The following CDH12 variants were observed in gnomAD, a reference collection of about 807,000 sequenced individuals.
CDH12 encodes cadherin 12.
A neutral mutation model predicts 74.1 loss-of-function variants in CDH12; 41 were observed. That is an observed-to-expected ratio of 0.55 (90% CI 0.43 to 0.72). The LOEUF is 0.72. CDH12 is among the 30% of genes least tolerant of loss of function. CDH12 has a pLI of 0.00. For missense variants in CDH12, 945 were observed against 977.2 expected (o/e 0.97, Z 0.44); for synonymous variants, 399 against 355.0 (o/e 1.12, Z -1.39).
At chr5:21,834,349 CA>C (rs1749412551) in intron 8 of CDH12, among the ~76,000 whole-genome samples, 1 of 151,474 alleles carries the variant, frequency 6.6e-6, no homozygotes, top group African/African-American at 2.4e-5. Flanking sequence ...AAGTATTGAC[CA>C]AAAGGGTAAT....
intron 3 of CDH12, among the ~76,000 whole-genome samples, chr5:22,226,158 T>C (rs1015793111): frequency 1.3e-5 from 2 of 151,822 alleles, no homozygotes; most frequent in East Asian, 3.9e-4. Flanking sequence ...TGTAAAGATA[T>C]ACTCTGCAAG....
chr5:22,783,081 A>G (rs1263042333), intron 1 of CDH12, among the ~76,000 whole-genome samples: 6 of 152,182 alleles, frequency 3.9e-5, no homozygotes, highest in Non-Finnish European at 7.4e-5. Flanking sequence ...TCATAATACA[A>G]TGCAAAGAAT....
intron 4 of CDH12, among the ~76,000 whole-genome samples, chr5:22,118,128 A>G (rs747663311): frequency 6.6e-6 from 1 of 152,162 alleles, no homozygotes; most frequent in Non-Finnish European, 1.5e-5. Flanking sequence ...TTTGTTTATT[A>G]TATCTGCTTA....
chr5:22,326,978 A>C (rs528961298), intron 3 of CDH12, among the ~76,000 whole-genome samples: 1 of 152,054 alleles, frequency 6.6e-6, no homozygotes, highest in Non-Finnish European at 1.5e-5. Context: ...AATCTTTTTC[A>C]TTTTCTAATT....
In CDH12 at chr5:22,676,591, G is replaced by A. The variant is rs151012070; in HGVS notation, c.-522-171227C>T. Among the ~76,000 whole-genome samples the A allele has an allele frequency of 3.2e-3, 481 of 152,194 alleles. 4 individuals carry two copies. The highest frequency in any genetic ancestry group is 0.011 in the African/African-American group (461 of 41,528). ...TTTTAACATCAACATTTCAACAAAGGCATGTAATTCTAATGTATTGTCAAG... is the reference window on the plus strand; with the variant it reads ...TTTTAACATCAACATTTCAACAAAGACATGTAATTCTAATGTATTGTCAAG... On this transcript the variant is annotated intron_variant, in intron 1 of 14. Transcript: ENST00000382254.
intron 1 of CDH12, among the ~76,000 whole-genome samples, chr5:22,815,233 G>T (rs2126459301): frequency 6.6e-6 from 1 of 152,212 alleles, no homozygotes; most frequent in East Asian, 1.9e-4. Flanking sequence ...TAATGCATAT[G>T]GTTGAATTTG....
At chr5:22,701,096 T>C (rs1453650766) in intron 1 of CDH12, among the ~76,000 whole-genome samples, 1 of 152,156 alleles carries the variant, frequency 6.6e-6, no homozygotes, top group Non-Finnish European at 1.5e-5. Flanking sequence ...AAGGCTTGGA[T>C]TCTATCCGTA....
At chr5:21,950,772 A>ATTG (rs1755821121) in intron 6 of CDH12, among the ~76,000 whole-genome samples, 1 of 102,510 alleles carries the variant, frequency 9.8e-6, no homozygotes, top group Non-Finnish European at 2.0e-5. Flanking sequence ...TATTATTATT[A>ATTG]TTATTATTAT....
intron 4 of CDH12, among the ~76,000 whole-genome samples, chr5:22,211,008 T>C (rs964036015): frequency 6.6e-6 from 1 of 152,194 alleles, no homozygotes; most frequent in Non-Finnish European, 1.5e-5. Context: ...AACATACTGG[T>C]AGCCAAGTAC....
At position 22,185,178 on chromosome 5, in the gene CDH12, G is replaced by A. The variant is rs191735406; in HGVS notation, c.-187+27320C>T. On this transcript the variant is annotated intron_variant, in intron 4 of 14. Coordinates refer to ENST00000382254, the MANE Select transcript of CDH12 (RefSeq NM_004061.5). Reference sequence around the variant, plus strand: ...TTGTTCATCTGCAGAAAGAAACAGAGTCCTCCTTCTCTCTCTCTCTCTTTT... The same window carrying A: ...TTGTTCATCTGCAGAAAGAAACAGAATCCTCCTTCTCTCTCTCTCTCTTTT... Among the ~76,000 whole-genome samples the A allele has an allele frequency of 1.4e-3, 207 of 150,122 alleles. 1 individual carries two copies. The highest frequency in any genetic ancestry group is 4.8e-3 in the Admixed American group (72 of 14,998).
intron 1 of CDH12, among the ~76,000 whole-genome samples, chr5:22,625,668 GC>G (rs1339608688): frequency 1.3e-5 from 2 of 152,160 alleles, no homozygotes; most frequent in African/African-American, 2.4e-5. Context: ...TATCTGAGTG[GC>G]CCCCTGTCTG....
intron 1 of CDH12, among the ~76,000 whole-genome samples, chr5:22,535,007 C>T (rs181824259): frequency 6.2e-4 from 91 of 145,692 alleles, no homozygotes; most frequent in African/African-American, 2.2e-3. Flanking sequence ...GAGTCTCACT[C>T]TGTCACCCAG....
At chr5:21,910,444 C>G (rs964591567) in intron 6 of CDH12, among the ~76,000 whole-genome samples, 1 of 152,040 alleles carries the variant, frequency 6.6e-6, no homozygotes, top group Non-Finnish European at 1.5e-5. Flanking sequence ...TTTCTCCCAG[C>G]CACTGTAAAA....
chr5:22,007,663 A>T (rs1000384720), intron 5 of CDH12, among the ~76,000 whole-genome samples: 1 of 152,160 alleles, frequency 6.6e-6, no homozygotes, highest in Non-Finnish European at 1.5e-5. Flanking sequence ...GAGAAATGTA[A>T]ATAAATGTAT....
At chr5:21,831,824 G>A (rs1346737868) in intron 8 of CDH12, among the ~76,000 whole-genome samples, 4 of 151,922 alleles carry the variant, frequency 2.6e-5, no homozygotes, top group Non-Finnish European at 5.9e-5. Context: ...GCCTGTTTAG[G>A]AACTTACAGG....
intron 5 of CDH12, among the ~76,000 whole-genome samples, chr5:22,066,819 T>G (rs1475412970): frequency 6.6e-6 from 1 of 152,188 alleles, no homozygotes; most frequent in Non-Finnish European, 1.5e-5. Flanking sequence ...CTCTCCTATT[T>G]GGTCTGTAAC....
intron 5 of CDH12, among the ~76,000 whole-genome samples, chr5:22,009,759 C>T (rs1199866873): frequency 5.3e-5 from 8 of 151,918 alleles, no homozygotes; most frequent in Admixed American, 3.9e-4. Flanking sequence ...AGGTGGATCA[C>T]TTGAGTCCAA....
At chr5:22,353,759 G>C (rs1047512081) in intron 3 of CDH12, among the ~76,000 whole-genome samples, 1 of 151,902 alleles carries the variant, frequency 6.6e-6, no homozygotes, top group African/African-American at 2.4e-5. Flanking sequence ...CTCAATTTTT[G>C]ATTTTTTTTA....
intron 6 of CDH12, among the ~76,000 whole-genome samples, chr5:21,879,191 A>G (rs375148007): frequency 6.6e-6 from 1 of 152,108 alleles, no homozygotes; most frequent in South Asian, 2.1e-4. Flanking sequence ...TTCACACTAT[A>G]AAAAAAACTT....
Sources: gnomAD v4.1 joint callset for allele counts (sites outside exome capture counted in the v4.1 genomes callset) on GRCh38, gnomAD v4.1.1 for gene constraint, MANE v1.5 for transcripts, NCBI Gene and HGNC (gene_info 2026-07-23, HGNC 2026-07-21) for gene names.